RFC3: variants seen among roughly 807,000 people sequenced by gnomAD.
RFC3 encodes the protein A1 38 kDa subunit.
RFC3 carries 41 observed loss-of-function variants against 45.1 expected under a neutral mutation model. That is an observed-to-expected ratio of 0.91 (90% CI 0.71 to 1.18). The LOEUF is 1.18. Ranked by LOEUF, RFC3 falls within the 50% of genes most tolerant of loss-of-function variation. The probability of loss-of-function intolerance (pLI) is 0.00; values close to 1 mark genes in which losing one functional copy is unlikely to be tolerated. For missense variants in RFC3, 423 were observed against 428.1 expected, an observed-to-expected ratio of 0.99 and a Z score of 0.10; for synonymous variants, 149 against 144.0, an observed-to-expected ratio of 1.03 and a Z score of -0.25.
intron 8 of RFC3, among the ~76,000 whole-genome samples, chr13:33,843,854 C>G (rs919907016): frequency 6.6e-6 from 1 of 152,190 alleles, no homozygotes; most frequent in East Asian, 1.9e-4. Context: ...ATTTTACCTT[C>G]TTGTTAGCTA....
chr13:33,897,042 A>G (rs1426615220), intron 8 of RFC3, among the ~76,000 whole-genome samples: 1 of 152,102 alleles, frequency 6.6e-6, no homozygotes, highest in Non-Finnish European at 1.5e-5. Context: ...AGAAAAGGAA[A>G]ACAAAAATAA....
chr13:33,895,955 T>C (rs920444030), intron 8 of RFC3, among the ~76,000 whole-genome samples: 4 of 151,990 alleles, frequency 2.6e-5, no homozygotes, highest in African/African-American at 4.8e-5. Flanking sequence ...GGAACTAACC[T>C]ATGGGTATGC....
intron 8 of RFC3, among the ~76,000 whole-genome samples, chr13:33,929,009 C>G (rs562234921): frequency 2.2e-4 from 34 of 152,056 alleles, no homozygotes; most frequent in Non-Finnish European, 4.1e-4. Flanking sequence ...TTTGCCCATT[C>G]TAAAATGGAC....
intron 2 of RFC3, 96 bp from the exon 3 acceptor site, chr13:33,823,821 T>C (rs2082025074): frequency 8.4e-6 from 5 of 597,660 alleles, no homozygotes; most frequent in Non-Finnish European, 1.4e-5. Flanking sequence ...TCTCAAGTTT[T>C]ACTTTGTGTA....
At chr13:33,857,153 A>G (rs552274215) in intron 8 of RFC3, among the ~76,000 whole-genome samples, 12 of 152,354 alleles carry the variant, frequency 7.9e-5, no homozygotes, top group African/African-American at 2.9e-4. Flanking sequence ...GGAATTTAAT[A>G]ATAGCAAGGA....
intron 8 of RFC3, among the ~76,000 whole-genome samples, chr13:33,965,488 C>G (rs542819339): frequency 6.6e-6 from 1 of 152,192 alleles, no homozygotes; most frequent in African/African-American, 2.4e-5. Context: ...TAAGTACACC[C>G]AAGAAAGTTC....
intron 8 of RFC3, among the ~76,000 whole-genome samples, chr13:33,885,389 C>T (rs993908169): frequency 6.6e-6 from 1 of 152,014 alleles, no homozygotes; most frequent in Non-Finnish European, 1.5e-5. Flanking sequence ...TTGTTACATG[C>T]ATATACTGCA....
chr13:33,823,904 T>C lies in RFC3; in HGVS notation c.226-13T>C. The C allele has an allele frequency of 7.0e-7, 1 of 1,420,074 alleles. No homozygotes were observed. Among genetic ancestry groups the C allele is most frequent in the Non-Finnish European group, 9.7e-7 (1 of 1,027,506 alleles). 88.0% of individuals were successfully genotyped at this position (1,420,074 alleles called of 1,614,324 possible). A position where few individuals can be genotyped will look rare whatever the true frequency, so the allele number is the denominator to read the frequency against. On this transcript the variant is annotated splice_polypyrimidine_tract_variant and intron_variant, in intron 2 of 8. Coordinates refer to ENST00000380071, the MANE Select transcript of RFC3 (RefSeq NM_002915.4). ...TAAATAAATGTTAAAAATATCTTTTTCTTTGTCCACAGACTCCATCTAAAA... is the reference window on the plus strand; with the variant it reads ...TAAATAAATGTTAAAAATATCTTTTCCTTTGTCCACAGACTCCATCTAAAA...
At chr13:33,859,779 A>G (rs185064359) in intron 8 of RFC3, among the ~76,000 whole-genome samples, 37 of 152,312 alleles carry the variant, frequency 2.4e-4, no homozygotes, top group African/African-American at 7.7e-4. Context: ...TGGGCATGCC[A>G]TGGACTGAAT....
intron 8 of RFC3, among the ~76,000 whole-genome samples, chr13:33,952,801 A>G (rs2082998717): frequency 6.6e-6 from 1 of 152,220 alleles, no homozygotes. Flanking sequence ...CACTCCTCCC[A>G]AAGTATCCTC....
intron 8 of RFC3, among the ~76,000 whole-genome samples, chr13:33,950,172 T>C (rs1453186637): frequency 6.6e-6 from 1 of 152,050 alleles, no homozygotes; most frequent in East Asian, 1.9e-4. Context: ...TTCCATAGAA[T>C]ATTAAAAATT....
At chr13:33,852,916 A>G (rs1240939395) in intron 8 of RFC3, among the ~76,000 whole-genome samples, 1 of 152,146 alleles carries the variant, frequency 6.6e-6, no homozygotes, top group Non-Finnish European at 1.5e-5. Flanking sequence ...GGCTTAATGC[A>G]CAGACCAACC....
intron 8 of RFC3, among the ~76,000 whole-genome samples, chr13:33,897,587 G>A (rs1241614015): frequency 1.3e-5 from 2 of 152,106 alleles, no homozygotes; most frequent in Admixed American, 6.6e-5. Flanking sequence ...AACACTTAAT[G>A]TAAATAGAAT....
In RFC3 at chr13:33,836,113, T is replaced by G. The variant is rs1228628681; in HGVS notation, c.889T>G (p.Ser297Ala). 3 of 1,610,704 alleles carry G rather than the reference T, an allele frequency of 1.9e-6. No homozygotes were observed. In the South Asian group the frequency reaches 3.3e-5, roughly 18 times the overall value. ...PPEIIMKGLLSELLHNCDGQL... is the reference protein window; with the variant it reads ...PPEIIMKGLLAELLHNCDGQL... ...GATTATTTTTGTTTAGGGCCTTCTC[T>G]CAGAACTGTTACATAATTGTGATGG... Residue 297 changes from serine (S) to alanine (A), a missense_variant, in exon 9 of 9, where the codon TCA becomes GCA. By Grantham distance (99) the Ser-to-Ala change is moderately conservative (BLOSUM62 1). Coordinates refer to ENST00000380071, the MANE Select transcript of RFC3 (RefSeq NM_002915.4).
chr13:33,847,405 G>A (rs577908025), intron 8 of RFC3: 1 of 152,086 alleles, frequency 6.6e-6, no homozygotes, highest in Admixed American at 6.6e-5. Context: ...TTCCTGCGGT[G>A]GGGGAGGGGG....
intron 8 of RFC3, among the ~76,000 whole-genome samples, chr13:33,907,718 G>A (rs2082679787): frequency 6.6e-6 from 1 of 152,040 alleles, no homozygotes; most frequent in Admixed American, 6.6e-5. Context: ...TGTCTCTAAA[G>A]ACCACAGTTG....
chr13:33,849,057 TAGACAGGCAGAC>T (rs1397446137), intron 8 of RFC3: 4 of 151,000 alleles, frequency 2.6e-5, no homozygotes, highest in Admixed American at 6.6e-5. Flanking sequence ...GATAGATAGA[TAGACAGGCAGAC>T]AGACAGGCAG....
chr13:33,950,347 GT>G (rs1340196017), intron 8 of RFC3, among the ~76,000 whole-genome samples: 3 of 152,140 alleles, frequency 2.0e-5, no homozygotes, highest in African/African-American at 7.2e-5. Flanking sequence ...GGAACTAGCA[GT>G]TTTAGCTAAC....
intron 1 of RFC3, among the ~76,000 whole-genome samples, chr13:33,820,586 C>G (rs2081992697): frequency 6.6e-6 from 1 of 152,126 alleles, no homozygotes; most frequent in African/African-American, 2.4e-5. Context: ...TTTCGCATCC[C>G]CACTCTCCTA....
Sources: gnomAD v4.1 joint callset for allele counts (sites outside exome capture counted in the v4.1 genomes callset) on GRCh38, gnomAD v4.1.1 for gene constraint, MANE v1.5 for transcripts, NCBI Gene and HGNC (gene_info 2026-07-23, HGNC 2026-07-21) for gene names.